Variants in UNC5D observed in about 807,000 individuals in gnomAD.
The protein encoded by UNC5D is unc-5 netrin receptor D.
A neutral mutation model predicts 105.4 loss-of-function variants in UNC5D; 39 were observed. The ratio of observed to expected loss-of-function variants is 0.37; its 90% CI spans 0.29 to 0.48. The LOEUF is 0.48. UNC5D is among the 20% of genes least tolerant of loss of function. The pLI, the probability that UNC5D is intolerant of heterozygous loss-of-function variation, is 0.98. For synonymous variants in UNC5D, 452 were observed against 450.4 expected, an observed-to-expected ratio of 1.00 and a Z score of -0.04; for missense variants, 991 against 1,202.4, an observed-to-expected ratio of 0.82 and a Z score of 2.60.
chr8:35,526,290 G>A (rs1563500559), intron 1 of UNC5D, among the ~76,000 whole-genome samples: 1 of 152,088 alleles, frequency 6.6e-6, no homozygotes, highest in Non-Finnish European at 1.5e-5. Flanking sequence ...TGCAGTCCTG[G>A]GGAGAGCAGC....
chr8:35,315,418 C>T (rs2128881175), intron 1 of UNC5D, among the ~76,000 whole-genome samples: 1 of 152,044 alleles, frequency 6.6e-6, no homozygotes, highest in South Asian at 2.1e-4. Context: ...TTTCTTTTGG[C>T]TGGGGCAGTG....
chr8:35,624,059 G>A (rs576394008), intron 4 of UNC5D, among the ~76,000 whole-genome samples: 3 of 152,086 alleles, frequency 2.0e-5, no homozygotes, highest in Non-Finnish European at 2.9e-5. Flanking sequence ...CAGCCTGGGC[G>A]ACACAGCGAG....
intron 1 of UNC5D, among the ~76,000 whole-genome samples, chr8:35,286,584 C>A (rs772695127): frequency 6.6e-6 from 1 of 152,162 alleles, no homozygotes; most frequent in Non-Finnish European, 1.5e-5. Flanking sequence ...CTCATGGACA[C>A]AATATCTGGT....
chr8:35,674,657 A>C (rs1390210098), intron 4 of UNC5D, among the ~76,000 whole-genome samples: 1 of 152,148 alleles, frequency 6.6e-6, no homozygotes, highest in African/African-American at 2.4e-5. Context: ...GCGAATGAGA[A>C]ATGTATTGGT....
chr8:35,347,862 C>T (rs1340177882), intron 1 of UNC5D, among the ~76,000 whole-genome samples: 2 of 151,940 alleles, frequency 1.3e-5, no homozygotes, highest in South Asian at 4.1e-4. Flanking sequence ...AAGAGGTCAC[C>T]TGAAGAAAGA....
chr8:35,272,925 A>C (rs1243300225), intron 1 of UNC5D, among the ~76,000 whole-genome samples: 1 of 152,222 alleles, frequency 6.6e-6, no homozygotes, highest in Non-Finnish European at 1.5e-5. Context: ...GCTACTTATT[A>C]AACAGTACAT....
chr8:35,485,480 T>C (rs996013803), intron 1 of UNC5D, among the ~76,000 whole-genome samples: 4 of 152,184 alleles, frequency 2.6e-5, no homozygotes, highest in African/African-American at 9.7e-5. Context: ...ATTTTTAGAT[T>C]GGTAATTATT....
chr8:35,450,020 C>T (rs1808042793), intron 1 of UNC5D, among the ~76,000 whole-genome samples: 1 of 152,120 alleles, frequency 6.6e-6, no homozygotes, highest in South Asian at 2.1e-4. Context: ...TGATCTCTTT[C>T]CACACTCTAG....
intron 1 of UNC5D, among the ~76,000 whole-genome samples, chr8:35,396,065 G>T (rs1804077732): frequency 1.3e-5 from 2 of 152,172 alleles, no homozygotes; most frequent in Admixed American, 1.3e-4. Flanking sequence ...AATTTAGTAA[G>T]TATTAGACTA....
intron 2 of UNC5D, among the ~76,000 whole-genome samples, chr8:35,562,577 T>C (rs1026972119): frequency 1.3e-5 from 2 of 152,142 alleles, no homozygotes; most frequent in African/African-American, 2.4e-5. Context: ...TGATTAGTGA[T>C]GTTTGGCTAT....
At chr8:35,734,932 C>T (rs559333445) in intron 11 of UNC5D, among the ~76,000 whole-genome samples, 34 of 151,818 alleles carry the variant, frequency 2.2e-4, no homozygotes, top group African/African-American at 7.5e-4. Flanking sequence ...TACAGGCACC[C>T]GCCATCACAC....
chr8:35,400,123 T>C (rs540215854), intron 1 of UNC5D, among the ~76,000 whole-genome samples: 10 of 152,194 alleles, frequency 6.6e-5, no homozygotes, highest in Middle Eastern at 3.4e-3. Context: ...TTCATGACAT[T>C]ATTAGGTAGT....
Position 35,600,198 on chromosome 8 carries a change from A to G in UNC5D, c.570+4541A>G, listed in dbSNP as rs1563576011. Among the ~76,000 whole-genome samples, 6 of 152,224 alleles carry G rather than the reference A, an allele frequency of 3.9e-5. 1 individual carries two copies. The East Asian group carries it at 9.7e-4, about 24-fold the overall frequency. On this transcript the variant is annotated intron_variant, in intron 4 of 16. Coordinates refer to ENST00000404895, the MANE Select transcript of UNC5D (RefSeq NM_080872.4). ...GAGCCACATTTTCTTAATCTAGTTT[A>G]TCATTGTTGGACATTTGGGTTGGTT...
chr8:35,768,741 G>C (rs1172999546), intron 15 of UNC5D, among the ~76,000 whole-genome samples: 1 of 152,146 alleles, frequency 6.6e-6, no homozygotes, highest in Non-Finnish European at 1.5e-5. Context: ...CAACCTTATT[G>C]TTTACTCCCC....
intron 1 of UNC5D, among the ~76,000 whole-genome samples, chr8:35,453,018 AC>A (rs1409682633): frequency 2.0e-5 from 3 of 152,182 alleles, no homozygotes; most frequent in African/African-American, 7.2e-5. Context: ...TGGAAAATTA[AC>A]TAATGCATTT....
chr8:35,390,842 A>T (rs1172129004), intron 1 of UNC5D, among the ~76,000 whole-genome samples: 1 of 152,210 alleles, frequency 6.6e-6, no homozygotes, highest in Non-Finnish European at 1.5e-5. Flanking sequence ...CTGAGCTGTT[A>T]AAAGAGTGTA....
chr8:35,692,137 A>G (rs1188218238), intron 7 of UNC5D, among the ~76,000 whole-genome samples: 1 of 152,188 alleles, frequency 6.6e-6, no homozygotes, highest in Admixed American at 6.5e-5. Context: ...TTCACTTCTG[A>G]TGGCTACAGT....
rs113426483 is a variant in UNC5D at position 35,399,575 on chromosome 8, CA to C, written c.104-149714del. Among the ~76,000 whole-genome samples the C allele has an allele frequency of 9.2e-5, 14 of 152,238 alleles. 1 individual carries two copies. Among genetic ancestry groups the C allele is most frequent in the African/African-American group, 3.4e-4 (14 of 41,552 alleles). On this transcript the variant is annotated intron_variant, in intron 1 of 16. Coordinates refer to ENST00000404895, the MANE Select transcript of UNC5D (RefSeq NM_080872.4). ...AGCCAGTTTCTACATCTGGGCATCA[CA>C]AATTTGCATGCATACATATGTCAAA...
At chr8:35,764,600 C>T (rs1333966808) in intron 14 of UNC5D, among the ~76,000 whole-genome samples, 1 of 152,118 alleles carries the variant, frequency 6.6e-6, no homozygotes, top group Non-Finnish European at 1.5e-5. Flanking sequence ...CAGGAGGCCC[C>T]ACAAATCAGA....
Sources: allele counts gnomAD v4.1 joint callset (sites outside exome capture counted in the v4.1 genomes callset), GRCh38; gene constraint gnomAD v4.1.1; transcripts MANE v1.5; gene names NCBI Gene and HGNC (gene_info 2026-07-23, HGNC 2026-07-21).